The following SUMF1 variants were observed in gnomAD, a reference collection of about 807,000 sequenced individuals.
SUMF1 encodes formylglycine-generating enzyme.
In SUMF1, 48 loss-of-function variants were observed where a neutral mutation model predicts 47.6. The observed-to-expected ratio is 1.01, with a 90% CI of 0.80 to 1.28. The LOEUF (loss-of-function observed/expected upper bound fraction) is 1.28, where lower values mean the gene tolerates loss of function less well. Among genes scored for constraint, SUMF1 ranks in the 50% most tolerant of loss-of-function variants. SUMF1 has a pLI of 0.00. For synonymous variants in SUMF1, 230 were observed against 192.1 expected, an observed-to-expected ratio of 1.20 and a Z score of -1.63; for missense variants, 571 against 485.4, an observed-to-expected ratio of 1.18 and a Z score of -1.66.
chr3:4,069,548 T>C lies in SUMF1; in HGVS notation c.1015-803A>G, dbSNP rs578058312. ...TTCCATTTCTTGCTACCTATTTGCATACAGCATTCATGATGCCCCATGAGC... is the reference window on the plus strand; with the variant it reads ...TTCCATTTCTTGCTACCTATTTGCACACAGCATTCATGATGCCCCATGAGC... On this transcript the variant is annotated intron_variant and NMD_transcript_variant, in intron 8 of 12. Coordinates refer to the SUMF1 transcript ENST00000448413. Among the ~76,000 whole-genome samples the C allele has an allele frequency of 1.4e-4, 21 of 152,318 alleles. No individual in the cohort carries two copies. In the South Asian group the frequency reaches 4.4e-3, roughly 32 times the overall value.
intron 8 of SUMF1, chr3:4,313,579 C>T: frequency 6.2e-7 from 1 of 1,614,060 alleles, no homozygotes; most frequent in Non-Finnish European, 8.5e-7. Flanking sequence ...AAGGCTAGAT[C>T]ATGGGAAACT....
chr3:4,294,757 G>A (rs923111027), intron 8 of SUMF1, among the ~76,000 whole-genome samples: 2 of 151,862 alleles, frequency 1.3e-5, no homozygotes, highest in African/African-American at 2.4e-5. Flanking sequence ...CGAGAATACT[G>A]GAGTTCTAAA....
At chr3:4,187,420 T>C (rs1198994163) in intron 8 of SUMF1, among the ~76,000 whole-genome samples, 1 of 152,154 alleles carries the variant, frequency 6.6e-6, no homozygotes, top group South Asian at 2.1e-4. Flanking sequence ...TTTGAATTCT[T>C]GTTCAAACAT....
At chr3:4,100,981 A>G (rs1353863667) in intron 8 of SUMF1, among the ~76,000 whole-genome samples, 1 of 152,122 alleles carries the variant, frequency 6.6e-6, no homozygotes, top group Non-Finnish European at 1.5e-5. Context: ...TAGATAAGCT[A>G]TTATTAAAAA....
At chr3:4,259,597 A>T (rs1163705486) in intron 8 of SUMF1, among the ~76,000 whole-genome samples, 1 of 152,132 alleles carries the variant, frequency 6.6e-6, no homozygotes, top group Non-Finnish European at 1.5e-5. Flanking sequence ...ACATCTCAGT[A>T]CCTTGCCTTT....
chr3:4,313,481 T>C (rs1383692312), intron 8 of SUMF1: 1 of 1,614,008 alleles, frequency 6.2e-7, no homozygotes, highest in South Asian at 1.1e-5. Flanking sequence ...TTGGCACTTT[T>C]TGCAGCCAAA....
intron 8 of SUMF1, among the ~76,000 whole-genome samples, chr3:4,274,200 C>A (rs1697367672): frequency 6.6e-6 from 1 of 152,102 alleles, no homozygotes; most frequent in African/African-American, 2.4e-5. Flanking sequence ...ACTATTCTTC[C>A]TCCCTTCTAC....
At chr3:4,059,644 C>T (rs1249961180) in intron 9 of SUMF1, among the ~76,000 whole-genome samples, 1 of 151,964 alleles carries the variant, frequency 6.6e-6, no homozygotes, top group African/African-American at 2.4e-5. Flanking sequence ...TGAGTATACG[C>T]AGTCACAATG....
chr3:4,080,117 C>T (rs372853266), intron 8 of SUMF1, among the ~76,000 whole-genome samples: 14 of 151,968 alleles, frequency 9.2e-5, no homozygotes, highest in African/African-American at 3.4e-4. Flanking sequence ...GTTCACTGGA[C>T]GTTACAAACA....
chr3:4,130,944 G>C (rs1034513278), intron 8 of SUMF1, among the ~76,000 whole-genome samples: 1 of 152,114 alleles, frequency 6.6e-6, no homozygotes, highest in South Asian at 2.1e-4. Flanking sequence ...ATGTCTGACA[G>C]GTAGGGATGC....
intron 3 of SUMF1, among the ~76,000 whole-genome samples, chr3:4,448,454 A>AC (rs1017141286): frequency 6.6e-6 from 1 of 151,792 alleles, no homozygotes; most frequent in East Asian, 1.9e-4. Context: ...GAGTGGGCAG[A>AC]CCCCCGTTTC....
chr3:4,453,533 ATTT>A (rs11424980), intron 1 of SUMF1, among the ~76,000 whole-genome samples: 2 of 138,222 alleles, frequency 1.4e-5, no homozygotes, highest in African/African-American at 2.7e-5. Flanking sequence ...TGCCCAACTA[ATTT>A]TTTTTTTTTT....
chr3:4,116,956 C>A (rs1345982295), intron 8 of SUMF1, among the ~76,000 whole-genome samples: 1 of 152,006 alleles, frequency 6.6e-6, no homozygotes, highest in Non-Finnish European at 1.5e-5. Flanking sequence ...AGTTTGCAAA[C>A]AGCTAATGAA....
chr3:4,360,243 T>C (rs1202198615), downstream of SUMF1, among the ~76,000 whole-genome samples: 1 of 143,834 alleles, frequency 7.0e-6, no homozygotes, highest in African/African-American at 2.6e-5. Context: ...TAATCATCAG[T>C]AGGTGGAAGT....
At chr3:4,122,435 A>C (rs1693566817) in intron 8 of SUMF1, among the ~76,000 whole-genome samples, 1 of 152,182 alleles carries the variant, frequency 6.6e-6, no homozygotes, top group African/African-American at 2.4e-5. Context: ...TTAATGGTAT[A>C]GAATTTTATT....
At chr3:4,195,296 T>C (rs954827226) in intron 8 of SUMF1, among the ~76,000 whole-genome samples, 5 of 152,104 alleles carry the variant, frequency 3.3e-5, no homozygotes, top group African/African-American at 1.2e-4. Flanking sequence ...CATATAAGTA[T>C]CAGTAGCTAG....
chr3:4,182,671 T>C (rs886266104), intron 8 of SUMF1, among the ~76,000 whole-genome samples: 2 of 152,224 alleles, frequency 1.3e-5, no homozygotes, highest in East Asian at 1.9e-4. Flanking sequence ...ATGATTTTTA[T>C]AATGCAAATT....
chr3:4,294,282 T>C (rs1329666485), intron 8 of SUMF1, among the ~76,000 whole-genome samples: 2 of 152,102 alleles, frequency 1.3e-5, no homozygotes, highest in African/African-American at 4.8e-5. Flanking sequence ...AACTATTCAG[T>C]AGTTACACGT....
intron 8 of SUMF1, among the ~76,000 whole-genome samples, chr3:4,211,770 T>G (rs1695800705): frequency 6.6e-6 from 1 of 152,114 alleles, no homozygotes; most frequent in African/African-American, 2.4e-5. Context: ...CATCAAGTCT[T>G]AGCAAGGAGT....
Sources: gnomAD v4.1 joint callset for allele counts (sites outside exome capture counted in the v4.1 genomes callset) on GRCh38, gnomAD v4.1.1 for gene constraint, MANE v1.5 for transcripts, NCBI Gene and HGNC (gene_info 2026-07-23, HGNC 2026-07-21) for gene names.